The following NALF1 variants were observed in gnomAD, a reference collection of about 807,000 sequenced individuals.
NALF1 encodes the protein NALCN channel auxiliary factor 1.
In NALF1, 3 loss-of-function variants were observed where a neutral mutation model predicts 48.4. That is an observed-to-expected ratio of 0.06 (90% CI 0.03 to 0.16). NALF1 has a LOEUF of 0.16. Among genes scored for constraint, NALF1 ranks in the 10% least tolerant of loss-of-function variants. The pLI, the probability that NALF1 is intolerant of heterozygous loss-of-function variation, is 1.00. For missense variants in NALF1, 526 were observed against 571.5 expected (o/e 0.92, Z 0.81); for synonymous variants, 262 against 245.7 (o/e 1.07, Z -0.62).
At chr13:107,488,834 A>C (rs9559048) in intron 1 of NALF1, among the ~76,000 whole-genome samples, 2 of 152,224 alleles carry the variant, frequency 1.3e-5, no homozygotes, top group East Asian at 3.9e-4. Flanking sequence ...AAGTCAAATT[A>C]TCCCTGTTTG....
chr13:107,680,456 G>C (rs530053438), intron 1 of NALF1, among the ~76,000 whole-genome samples: 3 of 152,174 alleles, frequency 2.0e-5, no homozygotes, highest in Non-Finnish European at 2.9e-5. Context: ...GAACTCAAGG[G>C]TGTGAGTGCA....
chr13:107,625,262 T>C (rs1279804120), intron 1 of NALF1, among the ~76,000 whole-genome samples: 2 of 152,040 alleles, frequency 1.3e-5, no homozygotes, highest in Non-Finnish European at 2.9e-5. Context: ...AACAATGAAA[T>C]GTGGTTCAAT....
chr13:107,422,960 A>G (rs1884217240), intron 1 of NALF1, among the ~76,000 whole-genome samples: 1 of 152,192 alleles, frequency 6.6e-6, no homozygotes, highest in Non-Finnish European at 1.5e-5. Context: ...TAGAGCGTCC[A>G]ACAGGACTGC....
chr13:107,585,929 T>C (rs961765336), intron 1 of NALF1, among the ~76,000 whole-genome samples: 2 of 152,170 alleles, frequency 1.3e-5, no homozygotes, highest in Non-Finnish European at 1.5e-5. Flanking sequence ...TGACCATATG[T>C]TTAGCACTGG....
intron 1 of NALF1, among the ~76,000 whole-genome samples, chr13:107,385,456 G>T (rs1169169111): frequency 6.6e-6 from 1 of 151,434 alleles, no homozygotes; most frequent in South Asian, 2.1e-4. Context: ...AGGAGGCTGG[G>T]GCAGGAGAAT....
intron 1 of NALF1, among the ~76,000 whole-genome samples, chr13:107,259,241 C>A (rs1344123452): frequency 1.3e-5 from 2 of 152,138 alleles, no homozygotes; most frequent in Non-Finnish European, 2.9e-5. Flanking sequence ...CTTTGCCAAG[C>A]AGAGTGTCTT....
At chr13:107,365,722 G>A (rs956500344) in intron 1 of NALF1, among the ~76,000 whole-genome samples, 5 of 152,152 alleles carry the variant, frequency 3.3e-5, no homozygotes, top group Non-Finnish European at 7.3e-5. Flanking sequence ...TGAATGGACT[G>A]TTTACATCTA....
chr13:107,827,544 T>G (rs1345257432), intron 1 of NALF1, among the ~76,000 whole-genome samples: 2 of 152,174 alleles, frequency 1.3e-5, no homozygotes, highest in Non-Finnish European at 2.9e-5. Context: ...CATCGGGCAG[T>G]GTTAGAATCC....
intron 1 of NALF1, among the ~76,000 whole-genome samples, chr13:107,779,103 G>A (rs1052313955): frequency 1.3e-5 from 2 of 152,182 alleles, no homozygotes; most frequent in Admixed American, 6.5e-5. Flanking sequence ...ACTGTAGAGA[G>A]ATGAAATATT....
intron 1 of NALF1, among the ~76,000 whole-genome samples, chr13:107,707,934 T>C (rs1391344116): frequency 6.6e-6 from 1 of 152,190 alleles, no homozygotes; most frequent in Non-Finnish European, 1.5e-5. Flanking sequence ...CACAGTGATC[T>C]CTGGTTTTTT....
intron 1 of NALF1, among the ~76,000 whole-genome samples, chr13:107,678,690 T>C (rs1159840540): frequency 6.6e-6 from 1 of 152,106 alleles, no homozygotes; most frequent in African/African-American, 2.4e-5. Context: ...ACAATCATGG[T>C]GGAAGGTGAA....
intron 1 of NALF1, among the ~76,000 whole-genome samples, chr13:107,368,160 G>T (rs1358086150): frequency 6.6e-5 from 10 of 152,028 alleles, no homozygotes; most frequent in South Asian, 2.1e-4. Context: ...GAAACAAAGG[G>T]TTATTGCCCC....
chr13:107,820,233 A>C (rs1306870092), intron 1 of NALF1, among the ~76,000 whole-genome samples: 11 of 152,226 alleles, frequency 7.2e-5, no homozygotes, highest in Admixed American at 7.2e-4. Flanking sequence ...ATCAATAAAT[A>C]AATGTTTCAT....
At chr13:107,670,652 T>C (rs1431519473) in intron 1 of NALF1, among the ~76,000 whole-genome samples, 2 of 152,102 alleles carry the variant, frequency 1.3e-5, no homozygotes, top group Non-Finnish European at 2.9e-5. Context: ...CTCTTCTAGA[T>C]TACAGGGCCC....
intron 1 of NALF1, among the ~76,000 whole-genome samples, chr13:107,328,331 A>G (rs1021174677): frequency 6.7e-6 from 1 of 149,668 alleles, no homozygotes; most frequent in Admixed American, 6.7e-5. Flanking sequence ...TTTGGCTCTC[A>G]CTATTCTGTA....
At chr13:107,412,180 G>C (rs1304778432) in intron 1 of NALF1, among the ~76,000 whole-genome samples, 2 of 152,058 alleles carry the variant, frequency 1.3e-5, no homozygotes, top group African/African-American at 4.8e-5. Context: ...TTTCCCACGT[G>C]AACCTCATTT....
At chr13:107,231,777 T>G (rs1326227038) in intron 1 of NALF1, among the ~76,000 whole-genome samples, 1 of 152,332 alleles carries the variant, frequency 6.6e-6, no homozygotes, top group African/African-American at 2.4e-5. Context: ...CCACAGAATA[T>G]GGCATGAAGT....
At chr13:107,335,174 G>A (rs1476609628) in intron 1 of NALF1, among the ~76,000 whole-genome samples, 3 of 152,102 alleles carry the variant, frequency 2.0e-5, no homozygotes, top group Non-Finnish European at 4.4e-5. Context: ...GAAGTCTTCT[G>A]CTAAAGGAAG....
rs1186618416 is a variant in NALF1, at chr13:107,163,523, T to G, written c.*6974A>C. 2 of 152,228 alleles carry G rather than the reference T, an allele frequency of 1.3e-5. No homozygotes were observed. The highest frequency in any genetic ancestry group is 2.9e-5 in the Non-Finnish European group (2 of 68,042). 9.4% of individuals were successfully genotyped at this position (152,228 alleles called of 1,614,324 possible). ...GCGTAAACAAACTTTAGCAGTGGCC[T>G]CTATATCTTTTTAATATTTGTATTT... On this transcript the variant is annotated 3_prime_UTR_variant, in exon 3 of 3. Transcript: ENST00000375915.
Sources: allele counts gnomAD v4.1 joint callset (sites outside exome capture counted in the v4.1 genomes callset), GRCh38; gene constraint gnomAD v4.1.1; transcripts MANE v1.5; gene names NCBI Gene and HGNC (gene_info 2026-07-23, HGNC 2026-07-21).